Variants in MYCBP2 observed in about 807,000 individuals in gnomAD.
The protein encoded by MYCBP2 is MYC binding protein 2.
MYCBP2 carries 120 observed loss-of-function variants against 525.3 expected under a neutral mutation model. The observed-to-expected ratio is 0.23, with a 90% CI of 0.20 to 0.27. The LOEUF (loss-of-function observed/expected upper bound fraction) is 0.27. Among genes scored for constraint, MYCBP2 ranks in the 10% least tolerant of loss-of-function variants. MYCBP2 has a pLI of 1.00. For synonymous variants in MYCBP2, 1,894 were observed against 1,955.8 expected (o/e 0.97, Z 0.83); for missense variants, 4,149 against 5,657.1 (o/e 0.73, Z 8.55).
At chr13:77,233,703 G>A (rs892888095) in intron 17 of MYCBP2, among the ~76,000 whole-genome samples, 2 of 151,974 alleles carry the variant, frequency 1.3e-5, no homozygotes, top group Non-Finnish European at 2.9e-5. Context: ...GTTTTAACAA[G>A]CTCTTCCAGG....
intron 46 of MYCBP2, among the ~76,000 whole-genome samples, chr13:77,154,915 A>C (rs925342132): frequency 2.0e-5 from 3 of 152,098 alleles, no homozygotes; most frequent in African/African-American, 7.2e-5. Flanking sequence ...GCCTTAAAAA[A>C]TAAGATAGAG....
At chr13:77,243,005 G>A (rs555951699) in intron 17 of MYCBP2, 54 bp downstream of exon 17, 10 of 1,462,738 alleles carry the variant, frequency 6.8e-6, no homozygotes, top group Non-Finnish European at 9.6e-6. Context: ...GTGGTTTCAG[G>A]ATAGGGTAGG....
intron 1 of MYCBP2, among the ~76,000 whole-genome samples, chr13:77,309,393 G>C (rs2079874991): frequency 6.6e-6 from 1 of 152,138 alleles, no homozygotes. Flanking sequence ...GAGAATCCTA[G>C]CAGTAGACTT....
chr13:77,177,054 A>G (rs1479504765), intron 35 of MYCBP2, among the ~76,000 whole-genome samples: 2 of 152,094 alleles, frequency 1.3e-5, no homozygotes, highest in African/African-American at 2.4e-5. Flanking sequence ...ATATAGCTCA[A>G]TCAGTCAACA....
At chr13:77,141,770 C>CAAAA (rs34124996) in intron 49 of MYCBP2, among the ~76,000 whole-genome samples, 1 of 81,710 alleles carries the variant, frequency 1.2e-5, no homozygotes, top group South Asian at 3.3e-4. Context: ...GACTCTGTCT[C>CAAAA]AAAAAAAAAA....
Position 77,243,960 on chromosome 13 carries a change from A to G in MYCBP2, c.2382-9T>C. 1 of 1,441,500 alleles carries G rather than the reference A, an allele frequency of 6.9e-7. No homozygotes were observed. Among genetic ancestry groups the G allele is most frequent in the South Asian group, 1.4e-5 (1 of 70,318 alleles). The allele number at this position is 1,441,500 out of a possible 1,614,324, so 89.3% of individuals were successfully genotyped here. On this transcript the variant is annotated splice_polypyrimidine_tract_variant and intron_variant, in intron 15 of 82. Transcript: ENST00000544440. ...AACCACAACCACAGATCCTAGGGGG[A>G]AATACAAAAAAAAAAAAAAAAGACA...
Position 77,098,688 on chromosome 13 carries a change from A to T in MYCBP2, c.8466T>A (p.Pro2822=). 6.2e-7 allele frequency: 1 copy of T among 1,613,562 alleles called. No individual in the cohort carries two copies. Among genetic ancestry groups the T allele is most frequent in the Admixed American group, 1.7e-5 (1 of 59,904 alleles). The change falls in exon 56 of 83, where the codon CCT becomes CCA. Residue 2822 remains proline, a synonymous_variant. Transcript: ENST00000544440. ...TATTGGCTGGGAGAGTCTTTGGCTT[A>T]GGAGATGACAACCGAGAACCTGGTC... ...SPGPGSRLSS[P]KPKTLPANRS... is the part of the protein sequence containing the mutation.
Position 77,058,122 on chromosome 13 carries a change from G to GAGCC in MYCBP2, c.13329+92_13329+95dup. 7.3e-7 allele frequency: 1 copy of GAGCC among 1,379,232 alleles called. No homozygotes were observed. Among genetic ancestry groups the GAGCC allele is most frequent in the Non-Finnish European group, 1.0e-6 (1 of 1,003,326 alleles). 85.4% of individuals were successfully genotyped at this position (1,379,232 alleles called of 1,614,324 possible). A position where few individuals can be genotyped will look rare whatever the true frequency, so the allele number is the denominator to read the frequency against. On this transcript the variant is annotated intron_variant, in intron 78 of 82. Coordinates refer to ENST00000544440, the MANE Select transcript of MYCBP2 (RefSeq NM_015057.5). This position sits in a 1 kb window ranked among gnomAD's most constrained non-coding sequence, Gnocchi z 4.1. ...CCCAAAGTGCTGGGATTACAGGCATGAGCCACTGCGCCCGGCCTCAATCAA... is the reference window on the plus strand; with the variant it reads ...CCCAAAGTGCTGGGATTACAGGCATGAGCCAGCCACTGCGCCCGGCCTCAATCAA...
At chr13:77,177,148 T>TAA (rs58976857) in intron 35 of MYCBP2, among the ~76,000 whole-genome samples, 10 of 126,762 alleles carry the variant, frequency 7.9e-5, no homozygotes, top group Admixed American at 1.6e-4. Context: ...AATGACAATA[T>TAA]AAAAAAAAAA....
At chr13:77,201,165 G>A (rs7996439) in intron 26 of MYCBP2, among the ~76,000 whole-genome samples, 12,998 of 150,374 alleles carry the variant, frequency 0.086, 760 homozygotes, top group African/African-American at 0.15. Context: ...GTGCAGAGAC[G>A]CATATAGGCT....
At chr13:77,256,799 AG>A (rs1209852112) in intron 14 of MYCBP2, among the ~76,000 whole-genome samples, 1 of 152,116 alleles carries the variant, frequency 6.6e-6, no homozygotes, top group Non-Finnish European at 1.5e-5. Context: ...AATTTAGTAC[AG>A]CCACTCTGGA....
chr13:77,068,796 T>C lies in MYCBP2; in HGVS notation c.11940A>G (p.Glu3980=). ...CCCATTCTTCACGGACTCTGGTAGC[T>C]TCCATGCGAATAGCTTGGACAATAT... ...CAHIVQAIRM[E]ATRVREEWEH... is the part of the protein sequence containing the mutation. The change falls in exon 70 of 83, where the codon GAA becomes GAG. Residue 3980 remains glutamate, a synonymous_variant. Transcript: ENST00000544440. The C allele has an allele frequency of 1.9e-6, 3 of 1,614,154 alleles. No homozygotes were observed. The highest frequency in any genetic ancestry group is 4.5e-5 in the East Asian group (2 of 44,882).
intron 26 of MYCBP2, among the ~76,000 whole-genome samples, chr13:77,197,129 T>C (rs139664293): frequency 1.6e-3 from 241 of 152,304 alleles, no homozygotes; most frequent in African/African-American, 5.4e-3. Flanking sequence ...GGCTTGACTA[T>C]TGAATTTAGC....
chr13:77,194,040 T>C (rs2061527346), intron 27 of MYCBP2, 113 bp downstream of exon 27: 8 of 575,808 alleles, frequency 1.4e-5, no homozygotes, highest in Admixed American at 6.6e-5. Flanking sequence ...TCTCAAGTAT[T>C]TGATATTCAT....
chr13:77,207,103 T>A (rs1401674738), intron 23 of MYCBP2, among the ~76,000 whole-genome samples: 1 of 152,160 alleles, frequency 6.6e-6, no homozygotes, highest in African/African-American at 2.4e-5. Context: ...GATACATACA[T>A]ATAAATATGA....
At chr13:77,114,774 TAAAA>T (rs573023373) in intron 55 of MYCBP2, among the ~76,000 whole-genome samples, 1 of 151,934 alleles carries the variant, frequency 6.6e-6, no homozygotes, top group East Asian at 1.9e-4. Context: ...CATTATAAAA[TAAAA>T]AAAGTATTAA....
intron 1 of MYCBP2, among the ~76,000 whole-genome samples, chr13:77,322,874 T>C (rs1314326790): frequency 6.6e-6 from 1 of 152,224 alleles, no homozygotes; most frequent in Admixed American, 6.5e-5. Flanking sequence ...GTTCCGATTT[T>C]GATTGGCCTC....
At chr13:77,189,133 G>A in intron 29 of MYCBP2, 86 bp from the exon 30 acceptor site, 1 of 870,590 alleles carries the variant, frequency 1.1e-6, no homozygotes, top group Non-Finnish European at 1.6e-6. Context: ...TTTTTGAATG[G>A]GAAAATAAAT....
At chr13:77,156,259 CAATT>C (rs2057204633) in intron 45 of MYCBP2, 57 bp from the exon 46 acceptor site, 15 of 1,483,646 alleles carry the variant, frequency 1.0e-5, no homozygotes, top group South Asian at 8.1e-5. Flanking sequence ...GCATCTTCAA[CAATT>C]AATATAAAAT....
Sources: gnomAD v4.1 joint callset for allele counts (sites outside exome capture counted in the v4.1 genomes callset) on GRCh38, gnomAD v4.1.1 for gene constraint, Gnocchi (gnomAD v3.1) non-coding constraint, MANE v1.5 for transcripts, NCBI Gene and HGNC (gene_info 2026-07-23, HGNC 2026-07-21) for gene names.